FRMPD4: variants seen among roughly 807,000 people sequenced by gnomAD.
FRMPD4 encodes the protein FERM and PDZ domain containing 4, also known as FERM and PDZ domain-containing protein 4.
FRMPD4 carries 22 observed loss-of-function variants against 94.1 expected under a neutral mutation model. That is an observed-to-expected ratio of 0.23 (90% CI 0.17 to 0.33). The LOEUF is 0.33. FRMPD4 is among the 10% of genes least tolerant of loss of function. FRMPD4 has a pLI of 1.00. For missense variants in FRMPD4, 1,111 were observed against 1,339.9 expected (o/e 0.83, Z 2.67); for synonymous variants, 631 against 548.6 (o/e 1.15, Z -2.10).
chrX:12,477,726 T>A (rs2057622084), intron 1 of FRMPD4, among the ~76,000 whole-genome samples: 1 of 112,951 alleles, frequency 8.9e-6, no homozygotes, highest in African/African-American at 3.2e-5. Flanking sequence ...TGTTACATGC[T>A]CATTACATGC....
chrX:12,531,042 A>G (rs1249371110), intron 2 of FRMPD4, among the ~76,000 whole-genome samples: 1 of 111,745 alleles, frequency 8.9e-6, no homozygotes, highest in Non-Finnish European at 1.9e-5. Context: ...GGCTAAGATA[A>G]TGGTGGAAAG....
rs777827151 is a variant in FRMPD4 at position 12,309,217 on chromosome X, A to C, written c.41+170205A>C. On this transcript the variant is annotated intron_variant, in intron 1 of 16. Coordinates refer to ENST00000675598, the MANE Select transcript of FRMPD4 (RefSeq NM_001368397.1). The stretch of plus-strand genomic sequence containing the variant: ...TTTGCCCAGGGGCTATAGTTTGCCA[A>C]CCCTTGCTCCAGAGGCCCTTGCATG... Among the ~76,000 whole-genome samples, 6 of 111,715 alleles carry C rather than the reference A, an allele frequency of 5.4e-5. No individual in the cohort carries two copies. In the Admixed American group the frequency reaches 5.7e-4, roughly 11 times the overall value.
intron 3 of FRMPD4, among the ~76,000 whole-genome samples, chrX:11,898,638 C>T (rs1322061433): frequency 5.4e-5 from 6 of 111,369 alleles, no homozygotes; most frequent in African/African-American, 2.0e-4. Flanking sequence ...ACATTGTACT[C>T]CATAAATATA....
chrX:12,447,912 T>C (rs145991541), intron 1 of FRMPD4, among the ~76,000 whole-genome samples: 1 of 112,296 alleles, frequency 8.9e-6, no homozygotes, highest in African/African-American at 3.2e-5. Context: ...ACATCTGCTT[T>C]CATAATATAA....
chrX:12,439,216 CTT>C (rs1356091135), intron 1 of FRMPD4, among the ~76,000 whole-genome samples: 3 of 111,252 alleles, frequency 2.7e-5, no homozygotes, highest in African/African-American at 9.8e-5. Flanking sequence ...GCCTCACTCT[CTT>C]TGTGTCTTCC....
At chrX:12,319,233 T>A (rs1294772195) in intron 1 of FRMPD4, among the ~76,000 whole-genome samples, 1 of 112,143 alleles carries the variant, frequency 8.9e-6, no homozygotes, top group East Asian at 2.8e-4. Flanking sequence ...CAACCCTTGG[T>A]CTAGATTAGT....
At chrX:12,556,054 C>T (rs960690327) in intron 2 of FRMPD4, among the ~76,000 whole-genome samples, 1 of 110,698 alleles carries the variant, frequency 9.0e-6, no homozygotes, top group Non-Finnish European at 1.9e-5. Context: ...GAAGATGGAA[C>T]TACAGGCACT....
Position 12,312,781 on chromosome X carries a change from TC to T in FRMPD4, c.41+173770del, listed in dbSNP as rs759429455. Reference sequence around the variant, plus strand: ...AGACCACTTACAATTATAAATGACTTCTTTTAAGAGACCAAGTGCTTTCTTA... The same window carrying T: ...AGACCACTTACAATTATAAATGACTTTTTTAAGAGACCAAGTGCTTTCTTA... On this transcript the variant is annotated intron_variant, in intron 1 of 16. Coordinates refer to ENST00000675598, the MANE Select transcript of FRMPD4 (RefSeq NM_001368397.1). 1.7e-4 allele frequency among the ~76,000 whole-genome samples: 19 copies of T among 111,815 alleles called. No homozygotes were observed. In the South Asian group the frequency reaches 7.1e-3, roughly 42 times the overall value.
chrX:11,866,436 G>C (rs1601812792), intron 2 of FRMPD4, among the ~76,000 whole-genome samples: 2 of 111,783 alleles, frequency 1.8e-5, no homozygotes, highest in South Asian at 3.7e-4. Flanking sequence ...AAGAAGCAGA[G>C]TCCTCCATTC....
In FRMPD4 at chrX:12,028,085, G is replaced by A. The variant is rs534541826; in HGVS notation, c.95+150067G>A. On this transcript the variant is annotated intron_variant, in intron 3 of 18. Transcript: ENST00000640291. ...AGGAGTCCATGTGTGGCTTAACTACGTTCTCTGCTCAGCACGTCACAAGCT... is the reference window on the plus strand; with the variant it reads ...AGGAGTCCATGTGTGGCTTAACTACATTCTCTGCTCAGCACGTCACAAGCT... Among the ~76,000 whole-genome samples, 17 of 111,978 alleles carry A rather than the reference G, an allele frequency of 1.5e-4. No homozygotes were observed. The South Asian group carries it at 6.0e-3, about 39-fold the overall frequency.
At chrX:12,466,069 C>G in intron 1 of FRMPD4, among the ~76,000 whole-genome samples, 1 of 111,472 alleles carries the variant, frequency 9.0e-6, no homozygotes, top group Non-Finnish European at 1.9e-5. Flanking sequence ...TTAGATTCTC[C>G]ATGGGACTGT....
intron 3 of FRMPD4, among the ~76,000 whole-genome samples, chrX:12,039,967 C>CAAAAAAAAAAAAAAAA (rs367795862): frequency 3.1e-5 from 1 of 32,016 alleles, no homozygotes; most frequent in African/African-American, 1.2e-4. Flanking sequence ...AAAACTTTGT[C>CAAAAAAAAAAAAAAAA]AAAAAAAAAA....
At chrX:12,132,034 A>G (rs1251771798) in intron 3 of FRMPD4, among the ~76,000 whole-genome samples, 3 of 111,808 alleles carry the variant, frequency 2.7e-5, no homozygotes, top group African/African-American at 9.8e-5. Flanking sequence ...ACACATGCAC[A>G]CAAGGTGAAA....
intron 1 of FRMPD4, among the ~76,000 whole-genome samples, chrX:12,453,448 G>A (rs2057296630): frequency 8.9e-6 from 1 of 111,949 alleles, no homozygotes; most frequent in Admixed American, 9.5e-5. Flanking sequence ...AAAAAATTAT[G>A]TCTTCTTAAA....
chrX:12,553,789 T>A (rs1315498407), intron 2 of FRMPD4, among the ~76,000 whole-genome samples: 2 of 110,655 alleles, frequency 1.8e-5, no homozygotes, highest in Non-Finnish European at 3.8e-5. Flanking sequence ...AAAATAGCTG[T>A]GCTTCTCATA....
chrX:12,617,605 T>C (rs1042526900), intron 4 of FRMPD4, among the ~76,000 whole-genome samples: 6 of 112,567 alleles, frequency 5.3e-5, no homozygotes, highest in Non-Finnish European at 9.4e-5. Context: ...TCAGCTGATA[T>C]ATGTTTTAAG....
chrX:12,029,248 T>A (rs780419394), intron 3 of FRMPD4, among the ~76,000 whole-genome samples: 58 of 112,497 alleles, frequency 5.2e-4, no homozygotes, highest in African/African-American at 1.8e-3. Context: ...TATCTTTTCA[T>A]ATGCTTATTT....
intron 1 of FRMPD4, among the ~76,000 whole-genome samples, chrX:12,264,746 T>A (rs1387200633): frequency 1.8e-5 from 2 of 112,537 alleles, no homozygotes; most frequent in African/African-American, 6.5e-5. Context: ...TTTGGTTGAT[T>A]TAAAAGAGTT....
chrX:12,604,915 C>T (rs975580424), intron 2 of FRMPD4, among the ~76,000 whole-genome samples: 7 of 111,874 alleles, frequency 6.3e-5, no homozygotes, highest in African/African-American at 2.0e-4. Context: ...ACCATTCCAG[C>T]CAATGCTTTT....
Sources: gnomAD v4.1 joint callset for allele counts (sites outside exome capture counted in the v4.1 genomes callset) on GRCh38, gnomAD v4.1.1 for gene constraint, MANE v1.5 for transcripts, NCBI Gene and HGNC (gene_info 2026-07-23, HGNC 2026-07-21) for gene names.